CEP85: variants seen among roughly 807,000 people sequenced by gnomAD.
CEP85 encodes the protein centrosomal protein 85, also known as centrosomal protein of 85 kDa.
In CEP85, 58 loss-of-function variants were observed where a neutral mutation model predicts 93.7. That is an observed-to-expected ratio of 0.62 (90% CI 0.50 to 0.77). CEP85 has a LOEUF of 0.77. CEP85 is among the 30% of genes least tolerant of loss of function. CEP85 has a pLI of 0.00. For missense variants in CEP85, 868 were observed against 922.0 expected (o/e 0.94, Z 0.76); for synonymous variants, 314 against 338.6 (o/e 0.93, Z 0.80).
chr1:26,274,922 T>TA (rs908662731), intron 11 of CEP85, 42 bp from the exon 12 acceptor site: 6 of 1,487,164 alleles, frequency 4.0e-6, no homozygotes, highest in Non-Finnish European at 5.5e-6. Flanking sequence ...CCAGACTTGT[T>TA]ACCCCTACTG....
intron 7 of CEP85, among the ~76,000 whole-genome samples, chr1:26,266,848 G>A (rs143419882): frequency 2.0e-4 from 30 of 152,304 alleles, no homozygotes; most frequent in African/African-American, 6.7e-4. Context: ...GCCTTCTGCC[G>A]TGTGTTTAGT....
intron 1 of CEP85, among the ~76,000 whole-genome samples, chr1:26,237,913 A>G (rs1434641090): frequency 1.3e-5 from 2 of 152,192 alleles, no homozygotes; most frequent in African/African-American, 2.4e-5. Flanking sequence ...CTATGTCATC[A>G]TTTAACTCAC....
At chr1:26,242,582 A>T (rs779270774) in intron 2 of CEP85, among the ~76,000 whole-genome samples, 1 of 152,220 alleles carries the variant, frequency 6.6e-6, no homozygotes, top group Non-Finnish European at 1.5e-5. Flanking sequence ...AAAATGAGCA[A>T]AAGTAGAAGA....
At position 26,268,538 on chromosome 1, in the gene CEP85, C is replaced by T. The variant is rs1236930784; in HGVS notation, c.1397C>T (p.Ser466Leu). The part of the protein sequence containing the change: ...NNLKKKCQKE[S>L]EQNREKQQRI... Reference sequence around the variant, plus strand: ...TTGAAAAAGAAATGCCAGAAGGAATCAGAGCAGAACCGGGAGAAGCAGCAG... The same window carrying T: ...TTGAAAAAGAAATGCCAGAAGGAATTAGAGCAGAACCGGGAGAAGCAGCAG... Residue 466 changes from serine to leucine, a missense_variant, in exon 8 of 14, where the codon TCA becomes TTA. Ser to Leu is a moderately radical substitution (Grantham distance 145). Coordinates refer to ENST00000451429, the MANE Select transcript of CEP85 (RefSeq NM_001319944.2). 1.2e-6 allele frequency: 2 copies of T among 1,613,972 alleles called. No homozygotes were observed. The highest frequency in any genetic ancestry group is 2.7e-5 in the African/African-American group (2 of 74,894).
chr1:26,267,564 A>G (rs759016312), intron 7 of CEP85, among the ~76,000 whole-genome samples: 2 of 152,174 alleles, frequency 1.3e-5, no homozygotes, highest in Non-Finnish European at 2.9e-5. Context: ...AACTGTCTCA[A>G]AAAAAGGGGG....
At chr1:26,276,452 C>A in intron 12 of CEP85, 83 bp from the exon 13 acceptor site, 1 of 1,096,230 alleles carries the variant, frequency 9.1e-7, no homozygotes, top group Non-Finnish European at 1.4e-6. Flanking sequence ...CTCACCCATC[C>A]CTTCCACACC....
intron 4 of CEP85, among the ~76,000 whole-genome samples, chr1:26,256,510 G>T (rs921179269): frequency 3.3e-5 from 5 of 151,826 alleles, no homozygotes; most frequent in African/African-American, 1.2e-4. Context: ...CAGTCTGGAT[G>T]ACAGAGCGAG....
intron 12 of CEP85, among the ~76,000 whole-genome samples, chr1:26,276,077 GAC>G: frequency 9.4e-6 from 1 of 106,796 alleles, no homozygotes; most frequent in East Asian, 2.0e-4. Context: ...TTATTCCTCT[GAC>G]ACACTGTGAT....
intron 2 of CEP85, among the ~76,000 whole-genome samples, chr1:26,240,845 C>G (rs573535962): frequency 2.0e-4 from 30 of 151,514 alleles, no homozygotes; most frequent in African/African-American, 6.8e-4. Flanking sequence ...TTGAGGTGAG[C>G]TGAGATGACG....
At chr1:26,237,518 A>G (rs974447509) in intron 1 of CEP85, among the ~76,000 whole-genome samples, 3 of 152,226 alleles carry the variant, frequency 2.0e-5, no homozygotes, top group Non-Finnish European at 4.4e-5. Context: ...TGTCACATGT[A>G]TCAGTACTTC....
intron 4 of CEP85, among the ~76,000 whole-genome samples, chr1:26,256,928 G>GGGGTGTGT (rs1553159974): frequency 4.7e-4 from 52 of 111,490 alleles, no homozygotes; most frequent in African/African-American, 1.7e-3. Flanking sequence ...GTTTTGTTTT[G>GGGGTGTGT]GTGTGTGTGT....
At chr1:26,251,998 C>T (rs959389035) in intron 3 of CEP85, among the ~76,000 whole-genome samples, 1 of 151,934 alleles carries the variant, frequency 6.6e-6, no homozygotes, top group Admixed American at 6.6e-5. Flanking sequence ...TTTGGGAGGC[C>T]GAGACAGGTG....
At chr1:26,262,864 G>A (rs2089833186) in intron 7 of CEP85, among the ~76,000 whole-genome samples, 1 of 152,156 alleles carries the variant, frequency 6.6e-6, no homozygotes, top group Non-Finnish European at 1.5e-5. Flanking sequence ...AGCCTCCCAA[G>A]TAGCTGGGAT....
chr1:26,258,297 A>G (rs1216326723), intron 6 of CEP85, 37 bp downstream of exon 6: 3 of 1,362,714 alleles, frequency 2.2e-6, no homozygotes, highest in African/African-American at 2.9e-5. Flanking sequence ...TCTGTTTGTC[A>G]TAACTCGGTG....
chr1:26,255,248 C>G lies in CEP85; in HGVS notation c.286C>G (p.Pro96Ala). 6.2e-7 allele frequency: 1 copy of G among 1,614,196 alleles called. No individual in the cohort carries two copies. Among genetic ancestry groups the G allele is most frequent in the Non-Finnish European group, 8.5e-7 (1 of 1,180,026 alleles). ...AACCATTCCAACAGCCCATGTGATG[C>G]CTTCTACTTTAGGGACCTCTCCTGC... ...HVTIPTAHVM[P>A]STLGTSPAKP... Residue 96 changes from proline (P) to alanine (A), a missense_variant, in exon 4 of 14, where the codon CCT (proline) becomes GCT (alanine). Physicochemically the swap from Pro to Ala is conservative, Grantham distance 27 (BLOSUM62 -1). Transcript: ENST00000451429.
chr1:26,264,287 C>T (rs994885547), intron 7 of CEP85, among the ~76,000 whole-genome samples: 2 of 152,188 alleles, frequency 1.3e-5, no homozygotes, highest in Admixed American at 1.3e-4. Context: ...GATCCCAGCA[C>T]TTTGGGAGGC....
intron 2 of CEP85, among the ~76,000 whole-genome samples, chr1:26,242,602 A>T (rs2089444607): frequency 6.6e-6 from 1 of 152,198 alleles, no homozygotes; most frequent in African/African-American, 2.4e-5. Flanking sequence ...AAAATAGATT[A>T]AAAAGATGAG....
At position 26,274,985 on chromosome 1, in the gene CEP85, CAAG is replaced by C. The variant is rs912192284; in HGVS notation, c.1823_1825del (p.Glu608del). ...TCAGAGCCTAGAGCAGGAAGTGGCT[CAAG>C]AAGAAGGAACAAGCCAGGCCCTGAG... On this transcript the variant is annotated inframe_deletion, in exon 12 of 14. Transcript: ENST00000451429. 9 of 1,577,362 alleles carry C rather than the reference CAAG, an allele frequency of 5.7e-6. No individual in the cohort carries two copies. The African/African-American group carries it at 1.1e-4, about 19-fold the overall frequency.
chr1:26,239,916 C>A, intron 2 of CEP85, 78 bp downstream of exon 2: 2 of 1,081,392 alleles, frequency 1.8e-6, no homozygotes, highest in Non-Finnish European at 2.8e-6. Flanking sequence ...AAATATTGAA[C>A]AAACAAGCAT....
Sources: allele counts gnomAD v4.1 joint callset (sites outside exome capture counted in the v4.1 genomes callset), GRCh38; gene constraint gnomAD v4.1.1; transcripts MANE v1.5; gene names NCBI Gene and HGNC (gene_info 2026-07-23, HGNC 2026-07-21).